The following MARCHF1 variants were observed in gnomAD, a reference collection of about 807,000 sequenced individuals.
MARCHF1 encodes E3 ubiquitin-protein ligase MARCHF1.
A neutral mutation model predicts 54.2 loss-of-function variants in MARCHF1; 40 were observed. That is an observed-to-expected ratio of 0.74 (90% confidence interval 0.57 to 0.96). The LOEUF (loss-of-function observed/expected upper bound fraction) is 0.96, where lower values mean the gene tolerates loss of function less well. Ranked by LOEUF, MARCHF1 falls within the 40% of genes least tolerant of loss-of-function variation. The pLI is 0.00. For synonymous variants in MARCHF1, 236 were observed against 236.3 expected (o/e 1.00, Z 0.01); for missense variants, 586 against 656.5 (o/e 0.89, Z 1.17).
chr4:163,885,561 T>C (rs950312908), intron 3 of MARCHF1, among the ~76,000 whole-genome samples: 6 of 152,136 alleles, frequency 3.9e-5, no homozygotes, highest in African/African-American at 1.4e-4. Context: ...AGATGTTTCC[T>C]GTCCTCTATC....
At chr4:164,121,109 A>G (rs1298997623) in intron 1 of MARCHF1, among the ~76,000 whole-genome samples, 3 of 152,090 alleles carry the variant, frequency 2.0e-5, no homozygotes, top group Non-Finnish European at 2.9e-5. Flanking sequence ...GATAAGATTG[A>G]AATAAAATCA....
At position 163,531,996 on chromosome 4, in the gene MARCHF1, T is replaced by C. The variant is rs577739369; in HGVS notation, c.1340-2950A>G. On this transcript the variant is annotated intron_variant, in intron 9 of 9. Transcript: ENST00000514618. ...CATTTATGGATAGGGAGACTTAATA[T>C]TATATTATTAAGATATCTATTCTTC... Among the ~76,000 whole-genome samples, 10 of 151,994 alleles carry C rather than the reference T, an allele frequency of 6.6e-5. No homozygotes were observed. The East Asian group carries it at 1.9e-3, about 29-fold the overall frequency.
At chr4:163,582,779 CTA>C (rs1740273141) in intron 8 of MARCHF1, among the ~76,000 whole-genome samples, 1 of 140,040 alleles carries the variant, frequency 7.1e-6, no homozygotes, top group Non-Finnish European at 1.5e-5. Context: ...AAAAAAAAAA[CTA>C]TTGATGAATC....
At chr4:164,139,934 T>A (rs1756487459) in intron 1 of MARCHF1, among the ~76,000 whole-genome samples, 1 of 151,990 alleles carries the variant, frequency 6.6e-6, no homozygotes, top group South Asian at 2.1e-4. Flanking sequence ...ATTGATGACA[T>A]CTTTCACTTC....
intron 8 of MARCHF1, among the ~76,000 whole-genome samples, chr4:163,571,812 A>T (rs1739849715): frequency 6.6e-6 from 1 of 152,120 alleles, no homozygotes; most frequent in Non-Finnish European, 1.5e-5. Flanking sequence ...CAGCCCATCC[A>T]GCCTCTTTTC....
intron 2 of MARCHF1, among the ~76,000 whole-genome samples, chr4:164,035,510 A>G (rs11935788): frequency 6.6e-6 from 1 of 151,172 alleles, no homozygotes; most frequent in Admixed American, 6.6e-5. Context: ...TAAAGTATAC[A>G]CATATTCATT....
At chr4:163,987,135 G>A (rs1350053827) in intron 3 of MARCHF1, among the ~76,000 whole-genome samples, 1 of 152,150 alleles carries the variant, frequency 6.6e-6, no homozygotes, top group African/African-American at 2.4e-5. Flanking sequence ...AGAGAAACCT[G>A]TTTCATATTC....
At chr4:163,818,904 A>G (rs922459443) in intron 4 of MARCHF1, among the ~76,000 whole-genome samples, 4 of 152,038 alleles carry the variant, frequency 2.6e-5, no homozygotes, top group Admixed American at 2.0e-4. Context: ...CCACCTTCTC[A>G]TTGTTAGCAG....
intron 1 of MARCHF1, among the ~76,000 whole-genome samples, chr4:164,290,201 T>C (rs1734253562): frequency 3.9e-5 from 6 of 152,018 alleles, no homozygotes; most frequent in Admixed American, 3.9e-4. Context: ...TCTTGTATCC[T>C]TGGCACCTTG....
intron 5 of MARCHF1, among the ~76,000 whole-genome samples, chr4:163,639,532 CAG>C (rs1463749908): frequency 6.6e-6 from 1 of 152,038 alleles, no homozygotes; most frequent in South Asian, 2.1e-4. Flanking sequence ...TTCAGTGTAA[CAG>C]AAAAATTTTT....
At chr4:163,958,243 G>A (rs1752271107) in intron 3 of MARCHF1, among the ~76,000 whole-genome samples, 1 of 119,050 alleles carries the variant, frequency 8.4e-6, no homozygotes, top group Admixed American at 7.7e-5. Context: ...TCAATCAAGT[G>A]AGTGTGTGTG....
intron 1 of MARCHF1, among the ~76,000 whole-genome samples, chr4:164,216,396 C>A (rs1300697853): frequency 6.6e-6 from 1 of 152,004 alleles, no homozygotes; most frequent in Non-Finnish European, 1.5e-5. Flanking sequence ...TTTAAATCTG[C>A]AAGTCTCATC....
intron 5 of MARCHF1, among the ~76,000 whole-genome samples, chr4:163,625,506 A>T (rs1188568480): frequency 6.6e-6 from 1 of 152,200 alleles, no homozygotes; most frequent in Non-Finnish European, 1.5e-5. Context: ...GTTGAACTGA[A>T]CTTGGTAATA....
intron 1 of MARCHF1, among the ~76,000 whole-genome samples, chr4:164,221,082 T>C (rs1732098114): frequency 6.6e-6 from 1 of 152,044 alleles, no homozygotes; most frequent in African/African-American, 2.4e-5. Flanking sequence ...ATAATGTTTA[T>C]ACACAGTAAT....
At chr4:163,543,676 C>T (rs1738797925) in intron 9 of MARCHF1, among the ~76,000 whole-genome samples, 1 of 152,018 alleles carries the variant, frequency 6.6e-6, no homozygotes, top group Non-Finnish European at 1.5e-5. Context: ...AAGTTGAGAC[C>T]ATCGTGTTCA....
At chr4:163,566,834 C>T (rs548400945) in intron 8 of MARCHF1, among the ~76,000 whole-genome samples, 7 of 152,296 alleles carry the variant, frequency 4.6e-5, no homozygotes, top group African/African-American at 1.7e-4. Flanking sequence ...AAGAAAGAAT[C>T]ATGGACAGCT....
chr4:163,740,046 T>C (rs1003166436), intron 4 of MARCHF1, among the ~76,000 whole-genome samples: 4 of 152,216 alleles, frequency 2.6e-5, no homozygotes, highest in Non-Finnish European at 5.9e-5. Context: ...CTGATCATTA[T>C]AGGCACACTG....
intron 1 of MARCHF1, among the ~76,000 whole-genome samples, chr4:164,240,179 T>C (rs1416358854): frequency 6.6e-6 from 1 of 152,198 alleles, no homozygotes. Context: ...GGAATGTTCC[T>C]TTACTCTTGT....
In MARCHF1 at chr4:163,930,011, T is replaced by C. The variant is rs150081844; in HGVS notation, c.-39+58490A>G. The stretch of plus-strand genomic sequence containing the variant: ...ATATATAATATATTATATATAAATA[T>C]ATTATATATACTATATTATATATAG... On this transcript the variant is annotated intron_variant, in intron 3 of 9. Transcript: ENST00000514618. Among the ~76,000 whole-genome samples, 966 of 135,086 alleles carry C rather than the reference T, an allele frequency of 7.2e-3. 8 individuals carry two copies. Among genetic ancestry groups the C allele is most frequent in the East Asian group, 0.032 (158 of 4,958 alleles). The allele number at this position is 135,086 out of a possible 152,430, so 88.6% of individuals were successfully genotyped here.
Sources: gnomAD v4.1 joint callset for allele counts (sites outside exome capture counted in the v4.1 genomes callset) on GRCh38, gnomAD v4.1.1 for gene constraint, MANE v1.5 for transcripts, NCBI Gene and HGNC (gene_info 2026-07-23, HGNC 2026-07-21) for gene names.